Variants in RAB6A observed in about 807,000 individuals in gnomAD.
RAB6A encodes the protein RAB6A, member RAS oncogene family.
A neutral mutation model predicts 32.3 loss-of-function variants in RAB6A; 8 were observed. The observed-to-expected ratio is 0.25, with a 90% confidence interval of 0.15 to 0.45. The LOEUF is 0.45. Among genes scored for constraint, RAB6A ranks in the 20% least tolerant of loss-of-function variants. The pLI is 1.00. For missense variants in RAB6A, 104 were observed against 249.4 expected (o/e 0.42, Z 3.93); for synonymous variants, 73 against 82.1 (o/e 0.89, Z 0.60).
At chr11:73,712,728 CT>C (rs57665830) in intron 5 of RAB6A, among the ~76,000 whole-genome samples, 23 of 142,772 alleles carry the variant, frequency 1.6e-4, no homozygotes, top group African/African-American at 5.9e-4. Context: ...ATTATAGAGG[CT>C]TTTTTTTTTT....
intron 1 of RAB6A, among the ~76,000 whole-genome samples, chr11:73,757,693 T>C (rs1946782645): frequency 6.6e-6 from 1 of 152,284 alleles, no homozygotes; most frequent in South Asian, 2.1e-4. Flanking sequence ...AAACGATTGG[T>C]TTCTCTACCC....
At chr11:73,707,060 G>A (rs921530979) in intron 6 of RAB6A, among the ~76,000 whole-genome samples, 22 of 150,368 alleles carry the variant, frequency 1.5e-4, no homozygotes, top group African/African-American at 5.1e-4. Flanking sequence ...GGAGGTTGCA[G>A]TGAGCCGAGA....
chr11:73,759,234 T>C (rs1230045013), intron 1 of RAB6A, among the ~76,000 whole-genome samples: 1 of 152,172 alleles, frequency 6.6e-6, no homozygotes, highest in African/African-American at 2.4e-5. Context: ...AATCTCTCAA[T>C]GTCTGAATTT....
intron 1 of RAB6A, among the ~76,000 whole-genome samples, chr11:73,732,325 G>A (rs1946328003): frequency 1.3e-5 from 2 of 152,036 alleles, no homozygotes; most frequent in Admixed American, 6.5e-5. Flanking sequence ...GGTGGCTCAC[G>A]CCTGTAATCC....
At chr11:73,739,263 TA>T (rs58629008) in intron 1 of RAB6A, among the ~76,000 whole-genome samples, 181 of 9,380 alleles carry the variant, frequency 0.019, 12 homozygotes, top group African/African-American at 0.054. Context: ...TAATAATAAT[TA>T]AAAAAAAAAA....
intron 6 of RAB6A, among the ~76,000 whole-genome samples, chr11:73,700,443 T>C (rs1172211533): frequency 2.0e-5 from 3 of 151,726 alleles, no homozygotes; most frequent in South Asian, 2.1e-4. Flanking sequence ...TAGCTGGGTA[T>C]GATAGTGGGG....
chr11:73,680,097 T>TTAAATAAA (rs953100632), intron 6 of RAB6A, among the ~76,000 whole-genome samples: 1 of 151,906 alleles, frequency 6.6e-6, no homozygotes, highest in South Asian at 2.1e-4. Context: ...GACTCTGTCT[T>TTAAATAAA]TAAATAAATA....
intron 1 of RAB6A, among the ~76,000 whole-genome samples, chr11:73,742,388 T>C (rs1177747165): frequency 6.6e-6 from 1 of 152,222 alleles, no homozygotes; most frequent in African/African-American, 2.4e-5. Flanking sequence ...TCCTCTCGCC[T>C]AAGCTTCCCA....
chr11:73,759,986 C>A (rs1428679991), intron 1 of RAB6A: 1 of 1,269,744 alleles, frequency 7.9e-7, no homozygotes, highest in African/African-American at 1.5e-5. Flanking sequence ...CCTCTATGGC[C>A]CAGACTAATT....
chr11:73,755,379 C>T (rs560419358), intron 1 of RAB6A, among the ~76,000 whole-genome samples: 3 of 152,126 alleles, frequency 2.0e-5, no homozygotes, highest in East Asian at 3.9e-4. Flanking sequence ...CTGCAACCTC[C>T]ACCTCCCGAG....
chr11:73,681,987 T>A (rs565821253), intron 6 of RAB6A, among the ~76,000 whole-genome samples: 1 of 152,200 alleles, frequency 6.6e-6, no homozygotes, highest in Non-Finnish European at 1.5e-5. Context: ...ACCCCAATAT[T>A]CAATCCACAT....
rs1038041370 is a variant in RAB6A at position 73,761,005 on chromosome 11, C to A, written c.-370G>T. 2 of 202,758 alleles carry A rather than the reference C, an allele frequency of 9.9e-6. No homozygotes were observed. The highest frequency in any genetic ancestry group is 6.1e-5 in the Admixed American group (1 of 16,396). The allele number at this position is 202,758 out of a possible 1,614,324, so 12.6% of individuals were successfully genotyped here. ...GGCGGAGCCGGAACCGCAGACGTATCTGGGACCTCTCACGCGCAGCGCCTG... is the reference window on the plus strand; with the variant it reads ...GGCGGAGCCGGAACCGCAGACGTATATGGGACCTCTCACGCGCAGCGCCTG... On this transcript the variant is annotated 5_prime_UTR_variant, in exon 1 of 8. Coordinates refer to ENST00000336083, the MANE Select transcript of RAB6A (RefSeq NM_198896.2).
intron 1 of RAB6A, among the ~76,000 whole-genome samples, chr11:73,752,319 G>A (rs1248891074): frequency 6.6e-6 from 1 of 152,256 alleles, no homozygotes; most frequent in East Asian, 1.9e-4. Flanking sequence ...AGCCAGGTAT[G>A]GTGGCAGATG....
chr11:73,722,058 T>TATATATATA (rs1270436615), intron 2 of RAB6A, among the ~76,000 whole-genome samples: 9 of 147,744 alleles, frequency 6.1e-5, no homozygotes, highest in Admixed American at 1.4e-4. Context: ...TCTGCCATGA[T>TATATATATA]TGTAAGTTTC....
intron 1 of RAB6A, among the ~76,000 whole-genome samples, chr11:73,739,274 A>T (rs1442852756): frequency 4.7e-5 from 1 of 21,420 alleles, no homozygotes; most frequent in Non-Finnish European, 1.3e-4. Flanking sequence ...AAAAAAAAAA[A>T]AAAAAAAAAA....
At chr11:73,743,326 A>G (rs904917198) in intron 1 of RAB6A, among the ~76,000 whole-genome samples, 5 of 151,870 alleles carry the variant, frequency 3.3e-5, no homozygotes, top group South Asian at 2.1e-4. Flanking sequence ...AAAAAAGAGA[A>G]AAAAGAAAGA....
chr11:73,686,545 ACT>A (rs1250979907), intron 6 of RAB6A, among the ~76,000 whole-genome samples: 5 of 151,980 alleles, frequency 3.3e-5, no homozygotes, highest in Non-Finnish European at 5.9e-5. Flanking sequence ...ACAGAGTGAG[ACT>A]CTGTCTAAAA....
At chr11:73,744,410 C>G (rs1946548545) in intron 1 of RAB6A, among the ~76,000 whole-genome samples, 1 of 147,384 alleles carries the variant, frequency 6.8e-6, no homozygotes. Context: ...ACTCAGGAGG[C>G]TGAGGGAGGA....
chr11:73,739,892 T>C (rs1431408134), intron 1 of RAB6A, among the ~76,000 whole-genome samples: 7 of 151,902 alleles, frequency 4.6e-5, no homozygotes, highest in Non-Finnish European at 1.5e-5. Flanking sequence ...ACCCCATCTC[T>C]ACTAAAAATA....
Sources: gnomAD v4.1 joint callset for allele counts (sites outside exome capture counted in the v4.1 genomes callset) on GRCh38, gnomAD v4.1.1 for gene constraint, MANE v1.5 for transcripts, NCBI Gene and HGNC (gene_info 2026-07-23, HGNC 2026-07-21) for gene names.